Variants in CD38 observed in about 807,000 individuals in gnomAD.
CD38 encodes the protein CD38 molecule.
CD38 carries 31 observed loss-of-function variants against 36.3 expected under a neutral mutation model. The ratio of observed to expected loss-of-function variants is 0.85; its 90% CI spans 0.64 to 1.15. The LOEUF (loss-of-function observed/expected upper bound fraction) is 1.15, where lower values mean the gene tolerates loss of function less well. Among genes scored for constraint, CD38 ranks in the 50% most tolerant of loss-of-function variants. The probability of loss-of-function intolerance (pLI) is 0.00; values close to 1 mark genes in which losing one functional copy is unlikely to be tolerated. For missense variants in CD38, 380 were observed against 371.9 expected (o/e 1.02, Z -0.18); for synonymous variants, 131 against 135.2 (o/e 0.97, Z 0.22).
At chr4:15,785,437 G>T (rs1326723003) in intron 1 of CD38, among the ~76,000 whole-genome samples, 1 of 152,122 alleles carries the variant, frequency 6.6e-6, no homozygotes, top group African/African-American at 2.4e-5. Flanking sequence ...TCCCAGCAAG[G>T]TCAGTGGAAC....
intron 1 of CD38, among the ~76,000 whole-genome samples, chr4:15,787,687 G>A (rs1044148001): frequency 2.0e-5 from 3 of 152,150 alleles, no homozygotes; most frequent in Non-Finnish European, 4.4e-5. Flanking sequence ...TTTAATTGCC[G>A]GGTCTGCCCT....
intron 1 of CD38, among the ~76,000 whole-genome samples, chr4:15,783,400 C>T (rs924541195): frequency 6.6e-6 from 1 of 152,212 alleles, no homozygotes; most frequent in African/African-American, 2.4e-5. Context: ...ATGGTGATTG[C>T]AGGTACTGAC....
intron 2 of CD38, among the ~76,000 whole-genome samples, chr4:15,821,567 A>G (rs1461917418): frequency 1.3e-5 from 2 of 152,076 alleles, no homozygotes; most frequent in Non-Finnish European, 2.9e-5. Context: ...CAAATAAACT[A>G]GAACATCTAG....
At chr4:15,780,416 T>A (rs1391456691) in intron 1 of CD38, among the ~76,000 whole-genome samples, 1 of 152,192 alleles carries the variant, frequency 6.6e-6, no homozygotes, top group Non-Finnish European at 1.5e-5. Flanking sequence ...CATTTATATT[T>A]TTTTCTGTGA....
intron 7 of CD38, among the ~76,000 whole-genome samples, chr4:15,847,671 G>T (rs531658689): frequency 7.4e-6 from 1 of 135,552 alleles, no homozygotes; most frequent in Non-Finnish European, 1.5e-5. Context: ...AAGATATGTT[G>T]CATGGAGAAA....
intron 1 of CD38, among the ~76,000 whole-genome samples, chr4:15,802,951 A>G (rs1039805753): frequency 3.9e-5 from 6 of 152,212 alleles, no homozygotes; most frequent in Non-Finnish European, 8.8e-5. Flanking sequence ...AGCAACACAT[A>G]AATCAATGGA....
chr4:15,841,731 G>A (rs1264564697), intron 7 of CD38, among the ~76,000 whole-genome samples: 6 of 148,582 alleles, frequency 4.0e-5, no homozygotes, highest in African/African-American at 1.5e-4. Flanking sequence ...AGCAGGGCGA[G>A]GCATTGCCTC....
intron 1 of CD38, among the ~76,000 whole-genome samples, chr4:15,790,130 TC>T (rs1722929024): frequency 1.9e-4 from 5 of 26,578 alleles, no homozygotes; most frequent in South Asian, 1.4e-3. Flanking sequence ...TCCCTCTCCC[TC>T]TCCCTCTCCC....
chr4:15,836,535 G>A (rs1387030214), intron 4 of CD38, among the ~76,000 whole-genome samples: 1 of 152,144 alleles, frequency 6.6e-6, no homozygotes, highest in Non-Finnish European at 1.5e-5. Context: ...CATCCCCATA[G>A]GTAGTGTGAC....
Position 15,816,544 on chromosome 4 carries a change from C to T in CD38, c.267C>T (p.Phe89=), listed in dbSNP as rs1173326206. The change falls in exon 2 of 8, where the codon TTC becomes TTT. Residue 89 remains phenylalanine (F), a synonymous_variant. Coordinates refer to ENST00000226279, the MANE Select transcript of CD38 (RefSeq NM_001775.4). ...ACTGCCAAAGTGTATGGGATGCTTT[C>T]AAGGGTGCATTTATTTCAAAACATC... is the stretch of plus-strand genomic sequence containing the variant. ...HVDCQSVWDA[F]KGAFISKHPC... 4 of 1,613,380 alleles carry T rather than the reference C, an allele frequency of 2.5e-6. No individual in the cohort carries two copies. The highest frequency in any genetic ancestry group is 1.1e-5 in the South Asian group (1 of 91,056).
intron 1 of CD38, among the ~76,000 whole-genome samples, chr4:15,785,764 C>A (rs1346502044): frequency 6.6e-6 from 1 of 152,214 alleles, no homozygotes; most frequent in Non-Finnish European, 1.5e-5. Flanking sequence ...GCAATCACAT[C>A]TTAGTGGGTC....
chr4:15,819,105 A>G (rs1723675070), intron 2 of CD38, among the ~76,000 whole-genome samples: 1 of 146,914 alleles, frequency 6.8e-6, no homozygotes, highest in African/African-American at 2.4e-5. Context: ...CAAACACCAC[A>G]TGTTCTCACT....
At chr4:15,794,335 A>C (rs1056130199) in intron 1 of CD38, among the ~76,000 whole-genome samples, 2 of 152,228 alleles carry the variant, frequency 1.3e-5, no homozygotes, top group Non-Finnish European at 2.9e-5. Flanking sequence ...GGGTTGGAAC[A>C]TAACCCTGGC....
chr4:15,842,259 C>T (rs962891331), intron 7 of CD38, among the ~76,000 whole-genome samples: 1 of 132,898 alleles, frequency 7.5e-6, no homozygotes, highest in Non-Finnish European at 1.6e-5. Flanking sequence ...ACCCCTGACC[C>T]CCGAGCAGCC....
chr4:15,784,478 G>A (rs1355708131), intron 1 of CD38, among the ~76,000 whole-genome samples: 1 of 152,150 alleles, frequency 6.6e-6, no homozygotes, highest in East Asian at 1.9e-4. Context: ...ATCTTGGGGA[G>A]GATTCTGCTG....
intron 1 of CD38, among the ~76,000 whole-genome samples, chr4:15,781,899 C>T (rs1327896727): frequency 3.3e-5 from 5 of 152,176 alleles, no homozygotes; most frequent in African/African-American, 9.7e-5. Flanking sequence ...AAACAACAAT[C>T]ATTTATTGTC....
chr4:15,827,175 G>A (rs1176169439), intron 3 of CD38, among the ~76,000 whole-genome samples: 1 of 152,170 alleles, frequency 6.6e-6, no homozygotes. Context: ...TTGCCAGCCA[G>A]TAAGTGGCAA....
intron 1 of CD38, among the ~76,000 whole-genome samples, chr4:15,816,008 T>A (rs536796297): frequency 6.6e-6 from 1 of 152,332 alleles, no homozygotes; most frequent in South Asian, 2.1e-4. Context: ...CTTTTCTGCA[T>A]CTATTGAGAT....
At chr4:15,781,018 G>C (rs1296864489) in intron 1 of CD38, among the ~76,000 whole-genome samples, 1 of 152,166 alleles carries the variant, frequency 6.6e-6, no homozygotes, top group Non-Finnish European at 1.5e-5. Flanking sequence ...TGAGGTGGGA[G>C]AATCGCTTGA....
Sources: allele counts gnomAD v4.1 joint callset (sites outside exome capture counted in the v4.1 genomes callset), GRCh38; gene constraint gnomAD v4.1.1; transcripts MANE v1.5; gene names NCBI Gene and HGNC (gene_info 2026-07-23, HGNC 2026-07-21).